Variants in ROBO1 observed in about 807,000 individuals in gnomAD.
ROBO1 encodes the protein roundabout guidance receptor 1.
A neutral mutation model predicts 195.9 loss-of-function variants in ROBO1; 149 were observed. The observed-to-expected ratio is 0.76, with a 90% CI of 0.67 to 0.87. ROBO1 has a LOEUF of 0.87. Among genes scored for constraint, ROBO1 ranks in the 40% least tolerant of loss-of-function variants. The pLI is 0.00. For missense variants in ROBO1, 1,933 were observed against 2,068.3 expected, an observed-to-expected ratio of 0.93 and a Z score of 1.27; for synonymous variants, 816 against 733.2, an observed-to-expected ratio of 1.11 and a Z score of -1.82.
chr3:79,160,134 G>A (rs538570144), intron 2 of ROBO1, among the ~76,000 whole-genome samples: 1 of 151,904 alleles, frequency 6.6e-6, no homozygotes, highest in Admixed American at 6.6e-5. Flanking sequence ...ATCCAATGAA[G>A]AATTTAAGGT....
chr3:78,829,844 C>A (rs916974388), intron 4 of ROBO1, among the ~76,000 whole-genome samples: 1 of 152,148 alleles, frequency 6.6e-6, no homozygotes, highest in Admixed American at 6.5e-5. Context: ...GAACATATTT[C>A]ATGATGGAAA....
chr3:78,756,686 C>T (rs2082941076), intron 4 of ROBO1, among the ~76,000 whole-genome samples: 4 of 152,020 alleles, frequency 2.6e-5, no homozygotes, highest in African/African-American at 7.2e-5. Context: ...TCATAGCATG[C>T]TTTGTTTAAT....
At chr3:79,329,682 G>C (rs1171528251) in intron 2 of ROBO1, among the ~76,000 whole-genome samples, 2 of 152,138 alleles carry the variant, frequency 1.3e-5, no homozygotes, top group Non-Finnish European at 2.9e-5. Flanking sequence ...TAATTCAGTT[G>C]TTTTCTTTAT....
chr3:79,111,479 G>T lies in ROBO1; in HGVS notation c.172+13977C>A, dbSNP rs540567358. 2.6e-5 allele frequency among the ~76,000 whole-genome samples: 4 copies of T among 152,134 alleles called. No individual in the cohort carries two copies. The East Asian group carries it at 7.7e-4, about 29-fold the overall frequency. ...TATTGTATGGTGCTGGACCTGCCTC[G>T]CTTTGGGAACTGGAGGTAGTTATCA... On this transcript the variant is annotated intron_variant, in intron 3 of 30. Coordinates refer to ENST00000464233, the MANE Select transcript of ROBO1 (RefSeq NM_002941.4).
At chr3:79,300,214 TG>T (rs915380262) in intron 2 of ROBO1, among the ~76,000 whole-genome samples, 1 of 151,954 alleles carries the variant, frequency 6.6e-6, no homozygotes, top group Non-Finnish European at 1.5e-5. Context: ...CAGGGAGGTG[TG>T]GGGGGAGAGG....
chr3:79,546,019 C>T (rs1024880628), intron 2 of ROBO1, among the ~76,000 whole-genome samples: 13 of 151,982 alleles, frequency 8.6e-5, no homozygotes, highest in Non-Finnish European at 1.6e-4. Flanking sequence ...CCTCCTGGCC[C>T]TCTTCAGTAT....
At chr3:79,460,013 T>C (rs1204341163) in intron 2 of ROBO1, among the ~76,000 whole-genome samples, 1 of 152,136 alleles carries the variant, frequency 6.6e-6, no homozygotes, top group African/African-American at 2.4e-5. Context: ...AGTTATGTGA[T>C]GTATTACAGA....
At chr3:79,071,993 TAAAATCTCTTAAG>T (rs1241905985) in intron 3 of ROBO1, among the ~76,000 whole-genome samples, 1 of 151,898 alleles carries the variant, frequency 6.6e-6, no homozygotes, top group Non-Finnish European at 1.5e-5. Context: ...CTTGGCAACC[TAAAATCTCTTAAG>T]GGTTTACTCC....
chr3:78,746,847 C>T lies in ROBO1; in HGVS notation c.553G>A (p.Glu185Lys), dbSNP rs376348863. ...NPSDVMVAVG[E>K]PAVMECQPPR... ...GGTTGGCATTCCATTACTGCAGGCT[C>T]TCCTACTGCAACCATGACATCCGAA... The change falls in exon 5 of 31, where the codon GAG becomes AAG. Residue 185 changes from glutamate (E) to lysine (K), a missense_variant. Coordinates refer to ENST00000464233, the MANE Select transcript of ROBO1 (RefSeq NM_002941.4). 16 of 1,595,230 alleles carry T rather than the reference C, an allele frequency of 1.0e-5. No individual in the cohort carries two copies. Among genetic ancestry groups the T allele is most frequent in the Non-Finnish European group, 1.4e-5 (16 of 1,166,946 alleles).
chr3:78,883,947 G>A (rs1205523892), intron 4 of ROBO1, among the ~76,000 whole-genome samples: 2 of 152,168 alleles, frequency 1.3e-5, no homozygotes, highest in Non-Finnish European at 2.9e-5. Flanking sequence ...GGATTATGCT[G>A]CATGTGCAAA....
At chr3:79,694,798 C>T (rs9875270) in intron 1 of ROBO1, among the ~76,000 whole-genome samples, 42,000 of 151,294 alleles carry the variant, frequency 0.28, 6,653 homozygotes, top group African/African-American at 0.44. Flanking sequence ...GAAATAAAAT[C>T]GGAAAAATTA....
intron 2 of ROBO1, among the ~76,000 whole-genome samples, chr3:79,203,491 G>A (rs570263458): frequency 1.3e-5 from 2 of 152,134 alleles, no homozygotes; most frequent in Non-Finnish European, 2.9e-5. Flanking sequence ...GCTCTTTATG[G>A]AGTCAAGTGG....
intron 4 of ROBO1, among the ~76,000 whole-genome samples, chr3:78,910,991 T>A (rs2038210505): frequency 6.6e-6 from 1 of 152,086 alleles, no homozygotes; most frequent in East Asian, 1.9e-4. Flanking sequence ...AACATCTAGA[T>A]GATTCTGAAA....
At chr3:79,687,811 A>G (rs1310421998) in intron 1 of ROBO1, among the ~76,000 whole-genome samples, 2 of 152,100 alleles carry the variant, frequency 1.3e-5, no homozygotes, top group Non-Finnish European at 2.9e-5. Context: ...AGTCAGTGTA[A>G]CGATTCCTCA....
chr3:79,319,297 C>T (rs2033874352), intron 2 of ROBO1, among the ~76,000 whole-genome samples: 1 of 152,078 alleles, frequency 6.6e-6, no homozygotes, highest in African/African-American at 2.4e-5. Flanking sequence ...GTTTAATGTA[C>T]TCTCCCTGAT....
chr3:79,581,655 G>A (rs910530914), intron 2 of ROBO1, among the ~76,000 whole-genome samples: 7 of 152,076 alleles, frequency 4.6e-5, no homozygotes, highest in South Asian at 2.1e-4. Flanking sequence ...TTAAGTATTC[G>A]TTCTCTTTCA....
chr3:78,711,440 TTTCCTTCC>T (rs138527299), intron 8 of ROBO1, among the ~76,000 whole-genome samples: 6 of 41,584 alleles, frequency 1.4e-4, no homozygotes, highest in East Asian at 4.6e-4. Flanking sequence ...TCTTTCTTTC[TTTCCTTCC>T]TTCCTTCCTT....
intron 4 of ROBO1, among the ~76,000 whole-genome samples, chr3:78,821,894 A>T (rs564493249): frequency 6.6e-6 from 1 of 152,152 alleles, no homozygotes; most frequent in South Asian, 2.1e-4. Context: ...ACCTGTAGAG[A>T]AGTGGAAAAT....
At chr3:79,753,490 T>C (rs1234252450) in intron 1 of ROBO1, among the ~76,000 whole-genome samples, 9 of 152,320 alleles carry the variant, frequency 5.9e-5, no homozygotes, top group Non-Finnish European at 4.4e-5. Flanking sequence ...TATTGTCCAC[T>C]CAGTGATTTG....
Sources: gnomAD v4.1 joint callset for allele counts (sites outside exome capture counted in the v4.1 genomes callset) on GRCh38, gnomAD v4.1.1 for gene constraint, MANE v1.5 for transcripts, NCBI Gene and HGNC (gene_info 2026-07-23, HGNC 2026-07-21) for gene names.